The following PDE1C variants were observed in gnomAD, a reference collection of about 807,000 sequenced individuals.
PDE1C encodes the protein phosphodiesterase 1C, also known as dual specificity calcium/calmodulin-dependent 3',5'-cyclic nucleotide phosphodiesterase 1C.
In PDE1C, 62 loss-of-function variants were observed where a neutral mutation model predicts 93.1. That is an observed-to-expected ratio of 0.67 (90% CI 0.54 to 0.82). The LOEUF is 0.82. PDE1C is among the 40% of genes least tolerant of loss of function. The pLI is 0.00. For synonymous variants in PDE1C, 325 were observed against 310.1 expected, an observed-to-expected ratio of 1.05 and a Z score of -0.50; for missense variants, 742 against 884.6, an observed-to-expected ratio of 0.84 and a Z score of 2.04.
chr7:32,047,092 T>TGTGTGTGTGTG (rs397734342), intron 2 of PDE1C, among the ~76,000 whole-genome samples: 1 of 148,872 alleles, frequency 6.7e-6, no homozygotes, highest in African/African-American at 2.5e-5. Context: ...TGTGTGTGTG[T>TGTGTGTGTGTG]TGGAAGCACC....
intron 2 of PDE1C, among the ~76,000 whole-genome samples, chr7:31,908,903 T>C (rs549282295): frequency 2.0e-5 from 3 of 152,298 alleles, no homozygotes; most frequent in African/African-American, 4.8e-5. Flanking sequence ...TTGTGCTACA[T>C]AATCTGGGTG....
chr7:32,079,080 G>A (rs1796513626), intron 3 of PDE1C, among the ~76,000 whole-genome samples: 1 of 152,208 alleles, frequency 6.6e-6, no homozygotes, highest in South Asian at 2.1e-4. Context: ...TTTTTGAAAG[G>A]CCACCAAAGG....
chr7:31,806,345 T>C (rs1786822400), intron 16 of PDE1C, among the ~76,000 whole-genome samples: 2 of 151,988 alleles, frequency 1.3e-5, no homozygotes, highest in Admixed American at 6.6e-5. Flanking sequence ...TGACTAAAAA[T>C]GCACTGAAAA....
At chr7:32,341,503 T>C (rs1044011764) in intron 1 of PDE1C, among the ~76,000 whole-genome samples, 1 of 152,138 alleles carries the variant, frequency 6.6e-6, no homozygotes, top group Non-Finnish European at 1.5e-5. Context: ...ACTGAACTGC[T>C]GTGTGGAGCA....
chr7:31,974,207 C>G (rs1193099741), intron 2 of PDE1C, among the ~76,000 whole-genome samples: 1 of 152,106 alleles, frequency 6.6e-6, no homozygotes, highest in African/African-American at 2.4e-5. Flanking sequence ...TCATTTTCTC[C>G]ACAAACCAAC....
chr7:32,406,498 T>G (rs1326111565), intron 1 of PDE1C, among the ~76,000 whole-genome samples: 1 of 142,378 alleles, frequency 7.0e-6, no homozygotes, highest in Non-Finnish European at 1.5e-5. Context: ...CAGCAAAATA[T>G]ATTGATGTTT....
intron 2 of PDE1C, among the ~76,000 whole-genome samples, chr7:32,046,995 G>A (rs193223579): frequency 1.3e-5 from 2 of 151,388 alleles, no homozygotes; most frequent in East Asian, 2.0e-4. Flanking sequence ...TTTAATTTGT[G>A]CCTCTATTTC....
intron 3 of PDE1C, among the ~76,000 whole-genome samples, chr7:32,141,660 G>T (rs764574752): frequency 1.2e-4 from 19 of 152,294 alleles, no homozygotes; most frequent in Non-Finnish European, 2.4e-4. Context: ...CAGACCAGGG[G>T]AAACTTAAAG....
At chr7:32,014,768 T>A (rs1271752246) in intron 2 of PDE1C, among the ~76,000 whole-genome samples, 2 of 152,216 alleles carry the variant, frequency 1.3e-5, no homozygotes, top group African/African-American at 4.8e-5. Context: ...GTTTCATCCA[T>A]GTCTTTTTAA....
chr7:32,202,909 G>T (rs1335705304), intron 2 of PDE1C, among the ~76,000 whole-genome samples: 2 of 151,726 alleles, frequency 1.3e-5, no homozygotes, highest in African/African-American at 4.8e-5. Context: ...TTAACTACAG[G>T]GATTATGTTG....
chr7:32,038,364 G>GT (rs1791384339), intron 2 of PDE1C, among the ~76,000 whole-genome samples: 4 of 152,066 alleles, frequency 2.6e-5, no homozygotes. Flanking sequence ...GGGAGGCCAA[G>GT]TTTTGCAGAG....
chr7:32,336,988 G>A (rs773125729), intron 1 of PDE1C, among the ~76,000 whole-genome samples: 3 of 151,700 alleles, frequency 2.0e-5, no homozygotes, highest in Non-Finnish European at 2.9e-5. Flanking sequence ...CTTACACCCC[G>A]CCCTCCCTCA....
chr7:32,083,087 A>C (rs919506945), intron 3 of PDE1C, among the ~76,000 whole-genome samples: 11 of 151,916 alleles, frequency 7.2e-5, no homozygotes, highest in Non-Finnish European at 1.6e-4. Flanking sequence ...CCAAAGGCAA[A>C]GAAGTTAAAA....
At chr7:32,005,977 AT>A (rs1786196673) in intron 2 of PDE1C, among the ~76,000 whole-genome samples, 1 of 152,216 alleles carries the variant, frequency 6.6e-6, no homozygotes, top group African/African-American at 2.4e-5. Flanking sequence ...TAAAGTATTC[AT>A]GAAAAATATT....
At chr7:32,360,834 C>G (rs1425211289) in intron 1 of PDE1C, among the ~76,000 whole-genome samples, 1 of 152,062 alleles carries the variant, frequency 6.6e-6, no homozygotes, top group Non-Finnish European at 1.5e-5. Flanking sequence ...GACTTGGGAT[C>G]GGAAAATATG....
At chr7:31,747,452 T>C (rs1324693488), downstream of PDE1C, among the ~76,000 whole-genome samples, 1 of 152,218 alleles carries the variant, frequency 6.6e-6, no homozygotes, top group African/African-American at 2.4e-5. Flanking sequence ...AAACCGACTA[T>C]GCTAGAGCAG....
At chr7:32,293,251 T>C (rs2128898285) in intron 1 of PDE1C, among the ~76,000 whole-genome samples, 2 of 152,298 alleles carry the variant, frequency 1.3e-5, no homozygotes, top group Non-Finnish European at 2.9e-5. Context: ...GGAAGCTAAA[T>C]GGCTCACCTA....
intron 17 of PDE1C, among the ~76,000 whole-genome samples, chr7:31,765,818 G>C (rs1795106433): frequency 6.6e-6 from 1 of 152,128 alleles, no homozygotes; most frequent in Non-Finnish European, 1.5e-5. Flanking sequence ...TCACTCCCAG[G>C]CAGAATACAA....
At chr7:31,685,646 C>A in the PDE1C span, among the ~76,000 whole-genome samples, 1 of 152,174 alleles carries the variant, frequency 6.6e-6, no homozygotes, top group Non-Finnish European at 1.5e-5. Context: ...TCCAGCAAAC[C>A]ACCATGGCAC....
Sources: allele counts gnomAD v4.1 joint callset (sites outside exome capture counted in the v4.1 genomes callset), GRCh38; gene constraint gnomAD v4.1.1; transcripts MANE v1.5; gene names NCBI Gene and HGNC (gene_info 2026-07-23, HGNC 2026-07-21).